Variants in LPAR3 observed in about 807,000 individuals in gnomAD.
The protein encoded by LPAR3 is LPA receptor 3.
LPAR3 carries 7 observed loss-of-function variants against 17.8 expected under a neutral mutation model. That is an observed-to-expected ratio of 0.39 (90% CI 0.22 to 0.74). The LOEUF is 0.74. LPAR3 is among the 30% of genes least tolerant of loss of function. The probability of loss-of-function intolerance (pLI) is 0.40; values close to 1 mark genes in which losing one functional copy is unlikely to be tolerated. For missense variants in LPAR3, 391 were observed against 453.4 expected, an observed-to-expected ratio of 0.86 and a Z score of 1.25; for synonymous variants, 179 against 179.9, an observed-to-expected ratio of 0.99 and a Z score of 0.04.
intron 1 of LPAR3, among the ~76,000 whole-genome samples, chr1:84,889,388 G>A (rs1016221265): frequency 6.6e-6 from 1 of 152,106 alleles, no homozygotes; most frequent in African/African-American, 2.4e-5. Context: ...GGTATAGGTG[G>A]ACCCAATACA....
chr1:84,892,402 G>C (rs1315412467), intron 1 of LPAR3, among the ~76,000 whole-genome samples: 1 of 152,046 alleles, frequency 6.6e-6, no homozygotes, highest in Non-Finnish European at 1.5e-5. Context: ...ACTTGTTGAG[G>C]GAAAGCAATA....
At chr1:84,834,365 A>C (rs1330749833) in intron 2 of LPAR3, among the ~76,000 whole-genome samples, 3 of 152,230 alleles carry the variant, frequency 2.0e-5, no homozygotes, top group African/African-American at 7.2e-5. Flanking sequence ...AAGACCTTTA[A>C]ATACTAATAA....
At chr1:84,859,311 C>A (rs1034544208) in intron 2 of LPAR3, among the ~76,000 whole-genome samples, 33 of 152,138 alleles carry the variant, frequency 2.2e-4, no homozygotes, top group African/African-American at 7.5e-4. Flanking sequence ...CTTCCTCTCT[C>A]CCCTAAGAGA....
chr1:84,871,859 A>T (rs918000604), intron 1 of LPAR3, among the ~76,000 whole-genome samples: 6 of 152,016 alleles, frequency 3.9e-5, no homozygotes, highest in African/African-American at 1.4e-4. Context: ...TTCCTGCTCA[A>T]ATTCATTTCC....
chr1:84,830,266 C>T (rs1166385766), intron 2 of LPAR3, among the ~76,000 whole-genome samples: 4 of 152,136 alleles, frequency 2.6e-5, no homozygotes, highest in African/African-American at 7.2e-5. Context: ...ATTATACTTC[C>T]TCTGTCCAAA....
chr1:84,856,181 T>C (rs183833622), intron 2 of LPAR3, among the ~76,000 whole-genome samples: 1 of 152,278 alleles, frequency 6.6e-6, no homozygotes, highest in East Asian at 1.9e-4. Context: ...AGGAAAATCA[T>C]CTGTGACAAA....
At chr1:84,875,442 T>A (rs1660238975) in intron 1 of LPAR3, among the ~76,000 whole-genome samples, 1 of 152,132 alleles carries the variant, frequency 6.6e-6, no homozygotes, top group Non-Finnish European at 1.5e-5. Context: ...ACACTGTTAC[T>A]GAGAGAGTGG....
At chr1:84,845,322 A>G (rs1659575929) in intron 2 of LPAR3, among the ~76,000 whole-genome samples, 1 of 152,196 alleles carries the variant, frequency 6.6e-6, no homozygotes, top group Non-Finnish European at 1.5e-5. Context: ...AATACACTCT[A>G]GGAGGGATTT....
intron 2 of LPAR3, among the ~76,000 whole-genome samples, chr1:84,822,480 C>T (rs1008146350): frequency 6.6e-6 from 1 of 152,062 alleles, no homozygotes; most frequent in Non-Finnish European, 1.5e-5. Flanking sequence ...TTGGAAGGTA[C>T]AATTATATTG....
At chr1:84,840,833 T>C (rs1659491480) in intron 2 of LPAR3, among the ~76,000 whole-genome samples, 2 of 152,370 alleles carry the variant, frequency 1.3e-5, no homozygotes, top group South Asian at 4.1e-4. Flanking sequence ...GCCAGGATTT[T>C]GTAGTGTAAT....
At chr1:84,886,326 G>C (rs1379132938) in intron 1 of LPAR3, among the ~76,000 whole-genome samples, 1 of 152,076 alleles carries the variant, frequency 6.6e-6, no homozygotes, top group Non-Finnish European at 1.5e-5. Context: ...GGAGTTGGAG[G>C]CCAGCCTGGG....
chr1:84,873,117 T>C (rs11161471), intron 1 of LPAR3, among the ~76,000 whole-genome samples: 39,683 of 152,028 alleles, frequency 0.26, 6,258 homozygotes, highest in South Asian at 0.36. Flanking sequence ...TAAGGAGACA[T>C]AATGGCTAAA....
chr1:84,821,840 G>A (rs1659061398), intron 2 of LPAR3, among the ~76,000 whole-genome samples: 1 of 152,172 alleles, frequency 6.6e-6, no homozygotes, highest in Non-Finnish European at 1.5e-5. Context: ...ACTCCAGGGT[G>A]AGTGGGTAGC....
chr1:84,884,054 G>A (rs1404722271), intron 1 of LPAR3, among the ~76,000 whole-genome samples: 2 of 152,212 alleles, frequency 1.3e-5, no homozygotes, highest in Middle Eastern at 3.2e-3. Context: ...CCAGCTCACA[G>A]CCTATGCCCC....
At chr1:84,890,191 G>C (rs1255255211) in intron 1 of LPAR3, among the ~76,000 whole-genome samples, 26 of 152,224 alleles carry the variant, frequency 1.7e-4, no homozygotes, top group Non-Finnish European at 3.5e-4. Context: ...GGCCGGAAAG[G>C]GGGAGGCTCA....
intron 1 of LPAR3, among the ~76,000 whole-genome samples, chr1:84,879,624 T>C (rs938177758): frequency 6.6e-5 from 10 of 152,194 alleles, no homozygotes; most frequent in African/African-American, 2.4e-4. Context: ...GTTTTCCTTT[T>C]CTTACAGAGT....
intron 1 of LPAR3, among the ~76,000 whole-genome samples, chr1:84,866,352 G>T (rs1349549868): frequency 6.6e-6 from 1 of 152,100 alleles, no homozygotes; most frequent in Non-Finnish European, 1.5e-5. Flanking sequence ...TGTTTCCCAG[G>T]CTAGGCCGCT....
chr1:84,848,663 C>T (rs1450823400), intron 2 of LPAR3, among the ~76,000 whole-genome samples: 2 of 152,182 alleles, frequency 1.3e-5, no homozygotes, highest in Non-Finnish European at 2.9e-5. Flanking sequence ...CCACTCCATG[C>T]AACTGAGAAG....
chr1:84,872,995 A>T (rs928419999), intron 1 of LPAR3, among the ~76,000 whole-genome samples: 2 of 152,208 alleles, frequency 1.3e-5, no homozygotes, highest in African/African-American at 4.8e-5. Context: ...GAAAAACATC[A>T]GCTAAATCGC....
Sources: gnomAD v4.1 joint callset for allele counts (sites outside exome capture counted in the v4.1 genomes callset) on GRCh38, gnomAD v4.1.1 for gene constraint, MANE v1.5 for transcripts, NCBI Gene and HGNC (gene_info 2026-07-23, HGNC 2026-07-21) for gene names.